FAXDC2: variants seen among roughly 807,000 people sequenced by gnomAD.
The protein encoded by FAXDC2 is fatty acid hydroxylase domain-containing protein 2.
In FAXDC2, 41 loss-of-function variants were observed where a neutral mutation model predicts 40.9. That is an observed-to-expected ratio of 1.00 (90% CI 0.78 to 1.30). FAXDC2 has a LOEUF of 1.30. Ranked by LOEUF, FAXDC2 falls within the 50% of genes most tolerant of loss-of-function variation. The pLI is 0.00. For missense variants in FAXDC2, 390 were observed against 408.8 expected (o/e 0.95, Z 0.40); for synonymous variants, 157 against 149.3 (o/e 1.05, Z -0.38).
chr5:154,831,181 A>G (rs1300918593), intron 4 of FAXDC2: 1 of 374,076 alleles, frequency 2.7e-6, no homozygotes, highest in East Asian at 4.7e-5. Flanking sequence ...ATAAATACAT[A>G]TGAAAGTATG....
Position 154,820,406 on chromosome 5 carries a change from C to G in FAXDC2, c.912G>C (p.Lys304Asn). 1 of 1,612,992 alleles carries G rather than the reference C, an allele frequency of 6.2e-7. No individual in the cohort carries two copies. Among genetic ancestry groups the G allele is most frequent in the South Asian group, 1.1e-5 (1 of 91,072 alleles). ...CATGTCTCTCGTAGGCCTTGGTCTG[C>G]TTGAACATGGTGTCAGTCCCATGGA... is the stretch of plus-strand genomic sequence containing the variant. ...DHLHGTDTMF[K>N]QTKAYERHVL... The change falls in exon 9 of 9, where the codon AAG (lysine) becomes AAC (asparagine). Residue 304 changes from lysine to asparagine, a missense_variant. Transcript: ENST00000326080.
At position 154,834,498 on chromosome 5, in the gene FAXDC2, G is replaced by T. The variant is rs143130862; in HGVS notation, c.244+127C>A. On this transcript the variant is annotated intron_variant, in intron 4 of 8. Coordinates refer to ENST00000326080, the MANE Select transcript of FAXDC2 (RefSeq NM_032385.5). ...TATTCTTTGGGACTACCACTTTTTT[G>T]AAGTTCAAGTCCTCATCCCTTGGAA... The T allele has an allele frequency of 2.3e-4, 156 of 676,664 alleles. No homozygotes were observed. In the African/African-American group the frequency reaches 2.5e-3, roughly 11 times the overall value. 41.9% of individuals were successfully genotyped at this position (676,664 alleles called of 1,614,324 possible). A position where few individuals can be genotyped will look rare whatever the true frequency, so the allele number is the denominator to read the frequency against.
At chr5:154,823,798 T>C in intron 5 of FAXDC2, 1 of 561,710 alleles carries the variant, frequency 1.8e-6, no homozygotes, top group Non-Finnish European at 3.2e-6. Flanking sequence ...AATACCCCTG[T>C]CCTTGGAAAC....
intron 1 of FAXDC2, among the ~76,000 whole-genome samples, chr5:154,843,133 T>C (rs1760520835): frequency 1.3e-5 from 2 of 152,370 alleles, no homozygotes; most frequent in South Asian, 4.1e-4. Context: ...AAAGGTTCTG[T>C]TGACCCTGTT....
At chr5:154,847,603 T>C (rs1025562185) in intron 1 of FAXDC2, among the ~76,000 whole-genome samples, 2 of 150,028 alleles carry the variant, frequency 1.3e-5, no homozygotes, top group Non-Finnish European at 3.0e-5. Flanking sequence ...TTCTCCTGCC[T>C]CAGCCTCCTA....
chr5:154,824,801 A>G (rs1340862676), intron 5 of FAXDC2: 14 of 465,490 alleles, frequency 3.0e-5, no homozygotes, highest in South Asian at 5.7e-5. Context: ...AAAAACATAT[A>G]TATCAGGCTG....
chr5:154,830,982 A>G, intron 4 of FAXDC2, 60 bp from the exon 5 acceptor site: 1 of 1,592,024 alleles, frequency 6.3e-7, no homozygotes, highest in Non-Finnish European at 8.6e-7. Context: ...ACATAGACTA[A>G]CAGAACATAC....
chr5:154,823,921 G>A, intron 5 of FAXDC2: 1 of 319,438 alleles, frequency 3.1e-6, no homozygotes, highest in Admixed American at 4.4e-5. Context: ...GGTAACTTGG[G>A]TAGCCTCCAT....
chr5:154,849,884 T>A (rs1760688968), intron 1 of FAXDC2, among the ~76,000 whole-genome samples: 1 of 152,202 alleles, frequency 6.6e-6, no homozygotes, highest in African/African-American at 2.4e-5. Context: ...TTTCCATAGG[T>A]ACTATCAAGC....
chr5:154,835,249 T>C (rs1446864374), intron 2 of FAXDC2: 2 of 266,052 alleles, frequency 7.5e-6, no homozygotes, highest in African/African-American at 4.5e-5. Flanking sequence ...AGCCATAGGA[T>C]TTCATCACCA....
At chr5:154,844,391 A>AG (rs1561661590) in intron 1 of FAXDC2, among the ~76,000 whole-genome samples, 1 of 151,986 alleles carries the variant, frequency 6.6e-6, no homozygotes, top group Non-Finnish European at 1.5e-5. Flanking sequence ...CCAAAAAAAA[A>AG]AAAAAAGAAA....
At chr5:154,842,998 T>A (rs963524419) in intron 1 of FAXDC2, among the ~76,000 whole-genome samples, 1 of 152,090 alleles carries the variant, frequency 6.6e-6, no homozygotes, top group Non-Finnish European at 1.5e-5. Flanking sequence ...AGGAACCAAC[T>A]GTCAAAAGAA....
chr5:154,823,570 T>C lies in FAXDC2; in HGVS notation c.389A>G (p.Gln130Arg). ...NEPVDPVKLR[Q>R]SIRTVLFNQC... The stretch of plus-strand genomic sequence containing the variant: ...GTTGAAAAGAACTGTGCGGATAGAC[T>C]GGCGCAGTTTCACAGGATCCACCTG... The change falls in exon 6 of 9, where the codon CAG (glutamine) becomes CGG (arginine). Residue 130 changes from glutamine to arginine, a missense_variant. Gln to Arg is a conservative substitution (Grantham distance 43). Coordinates refer to ENST00000326080, the MANE Select transcript of FAXDC2 (RefSeq NM_032385.5). 1 of 1,614,040 alleles carries C rather than the reference T, an allele frequency of 6.2e-7. No homozygotes were observed. The highest frequency in any genetic ancestry group is 1.3e-5 in the African/African-American group (1 of 75,010).
In FAXDC2 at chr5:154,822,579, T is replaced by A; in HGVS notation, c.573-2A>T. 6.2e-7 allele frequency: 1 copy of A among 1,610,672 alleles called. No individual in the cohort carries two copies. Among genetic ancestry groups the A allele is most frequent in the Non-Finnish European group, 8.5e-7 (1 of 1,176,874 alleles). The stretch of plus-strand genomic sequence containing the variant: ...TAGAATGTTGGGTGGTGAAGGAGCC[T>A]GGGGAAATAGTTAATAGTTAATAAC... On this transcript the variant is annotated splice_acceptor_variant, in intron 6 of 8. Transcript: ENST00000326080. LOFTEE classifies it high-confidence loss of function.
rs61743608 is a variant in FAXDC2 at position 154,820,445 on chromosome 5, A to G, written c.873T>C (p.Gly291=). The G allele has an allele frequency of 1.9e-6, 3 of 1,612,888 alleles. No homozygotes were observed. The highest frequency in any genetic ancestry group is 2.5e-6 in the Non-Finnish European group (3 of 1,179,576). The change falls in exon 9 of 9, where the codon GGT becomes GGC. Residue 291 remains glycine, a synonymous_variant. Coordinates refer to ENST00000326080, the MANE Select transcript of FAXDC2 (RefSeq NM_032385.5). ...CAGTCCCATGGAGGTGGTCCAGCAC[A>G]CCCAGCACCCCATAGCACTGGTTGA... ...LKFNQCYGVL[G]VLDHLHGTDT...
At chr5:154,842,416 G>C (rs1310998359) in intron 1 of FAXDC2, among the ~76,000 whole-genome samples, 1 of 147,130 alleles carries the variant, frequency 6.8e-6, no homozygotes, top group African/African-American at 2.5e-5. Context: ...ATATTGGCCA[G>C]GCTGGTCTCT....
chr5:154,821,485 T>G, intron 7 of FAXDC2, 59 bp from the exon 8 acceptor site: 2 of 1,410,194 alleles, frequency 1.4e-6, no homozygotes, highest in Non-Finnish European at 1.9e-6. Context: ...CTTAGTTGGG[T>G]ATACACTTAG....
chr5:154,834,846 G>C lies in FAXDC2; in HGVS notation c.137C>G (p.Thr46Arg). The change falls in exon 3 of 9, where the codon ACA becomes AGA. Residue 46 changes from threonine (T) to arginine (R), a missense_variant. Physicochemically the swap from Thr to Arg is moderately conservative, Grantham distance 71. Transcript: ENST00000326080. ...TAGCTGGGTGGAGCCGACTTACCAT[G>C]TCACTGAGTTCCAGAAGGCCACAAA... is the stretch of plus-strand genomic sequence containing the variant. ...LSFVAFWNSV[T>R]WHLQRFWGAS... 6.2e-7 allele frequency: 1 copy of C among 1,610,768 alleles called. No homozygotes were observed. The highest frequency in any genetic ancestry group is 8.5e-7 in the Non-Finnish European group (1 of 1,178,040).
chr5:154,823,782 G>A, intron 5 of FAXDC2, 190 bp from the exon 6 acceptor site: 2 of 585,858 alleles, frequency 3.4e-6, no homozygotes, highest in East Asian at 2.9e-5. Context: ...TGCTAGGCAG[G>A]TGAGTAATAC....
Sources: gnomAD v4.1 joint callset for allele counts (sites outside exome capture counted in the v4.1 genomes callset) on GRCh38, gnomAD v4.1.1 for gene constraint, MANE v1.5 for transcripts, NCBI Gene and HGNC (gene_info 2026-07-23, HGNC 2026-07-21) for gene names.